RANBP2: variants seen among roughly 807,000 people sequenced by gnomAD.
RANBP2 encodes the protein E3 SUMO-protein ligase RanBP2.
A neutral mutation model predicts 303.6 loss-of-function variants in RANBP2; 57 were observed. The ratio of observed to expected loss-of-function variants is 0.19; its 90% CI spans 0.15 to 0.23. The LOEUF is 0.23. Among genes scored for constraint, RANBP2 ranks in the 10% least tolerant of loss-of-function variants. RANBP2 has a pLI of 1.00. For missense variants in RANBP2, 3,138 were observed against 3,780.8 expected (o/e 0.83, Z 4.46); for synonymous variants, 1,167 against 1,301.5 (o/e 0.90, Z 2.23).
the RANBP2 span, among the ~76,000 whole-genome samples, chr2:109,701,374 C>T: frequency 2.0e-5 from 3 of 151,996 alleles, no homozygotes; most frequent in Non-Finnish European, 4.4e-5. Flanking sequence ...CCAAGGTGGT[C>T]GGGGGTACAG....
At chr2:109,715,853 A>AAT in the RANBP2 span, among the ~76,000 whole-genome samples, 3 of 152,184 alleles carry the variant, frequency 2.0e-5, no homozygotes, top group East Asian at 3.9e-4. Flanking sequence ...AGGAAGATGA[A>AAT]ATATATATAT....
chr2:109,078,100 A>ATATATATATATATATATATGGCG, the RANBP2 span, among the ~76,000 whole-genome samples: 391 of 69,960 alleles, frequency 5.6e-3, 24 homozygotes, highest in Middle Eastern at 7.8e-3. Context: ...ATATATATAT[A>ATATATATATATATATATATGGCG]TATATATATA....
At chr2:108,932,661 A>C in the RANBP2 span, among the ~76,000 whole-genome samples, 1 of 152,130 alleles carries the variant, frequency 6.6e-6, no homozygotes, top group Non-Finnish European at 1.5e-5. Flanking sequence ...GTGGGGACTG[A>C]CATGGACAAT....
chr2:109,524,444 C>CAAAAAAAAAAAAAAAAAAAAA, the RANBP2 span, among the ~76,000 whole-genome samples: 26 of 84,398 alleles, frequency 3.1e-4, 3 homozygotes, highest in African/African-American at 1.7e-3. Context: ...GACCCTGTCT[C>CAAAAAAAAAAAAAAAAAAAAA]AAAAAAAAAA....
chr2:109,104,438 G>A, the RANBP2 span, among the ~76,000 whole-genome samples: 1 of 13,368 alleles, frequency 7.5e-5, no homozygotes, highest in Non-Finnish European at 4.4e-3. Flanking sequence ...AGAGGGGTCC[G>A]TTCAGCGGTT....
the RANBP2 span, among the ~76,000 whole-genome samples, chr2:109,026,717 C>T: frequency 1.1e-3 from 174 of 152,328 alleles, no homozygotes; most frequent in African/African-American, 3.7e-3. Context: ...AACAGCTGCT[C>T]CTCTCAGTCT....
the RANBP2 span, among the ~76,000 whole-genome samples, chr2:109,715,034 A>T: frequency 6.6e-6 from 1 of 151,992 alleles, no homozygotes; most frequent in South Asian, 2.1e-4. Flanking sequence ...CAATAGTGTG[A>T]TCGGCTCATT....
At chr2:109,610,879 TAC>T in the RANBP2 span, among the ~76,000 whole-genome samples, 1 of 152,124 alleles carries the variant, frequency 6.6e-6, no homozygotes, top group East Asian at 1.9e-4. Context: ...TTCTAAAACT[TAC>T]ACAGAGAGGC....
At chr2:109,187,422 G>A in the RANBP2 span, among the ~76,000 whole-genome samples, 2 of 151,702 alleles carry the variant, frequency 1.3e-5, no homozygotes, top group Non-Finnish European at 2.9e-5. Context: ...CCGCACACAC[G>A]TAAATACAGT....
the RANBP2 span, among the ~76,000 whole-genome samples, chr2:109,218,057 C>T: frequency 2.6e-5 from 4 of 151,938 alleles, no homozygotes; most frequent in Admixed American, 6.5e-5. Flanking sequence ...CAGACAGCTG[C>T]GGGGAGGGGT....
the RANBP2 span, among the ~76,000 whole-genome samples, chr2:109,494,055 G>A: frequency 6.6e-6 from 1 of 152,174 alleles, no homozygotes; most frequent in Non-Finnish European, 1.5e-5. Context: ...CGGCTCGTGA[G>A]AATGACAGAC....
rs1348403145 is a variant in RANBP2 at position 108,767,186 on chromosome 2, A to T, written c.6647A>T (p.Glu2216Val). 2.5e-6 allele frequency: 4 copies of T among 1,612,064 alleles called. No individual in the cohort carries two copies. The East Asian group carries it at 6.7e-5, about 27-fold the overall frequency. Reference protein sequence around the residue: ...ASDTTIKPNPENTGPTLEWDN... With the variant: ...ASDTTIKPNPVNTGPTLEWDN... ...GACACAACAATAAAACCCAATCCTG[A>T]AAACACTGGGCCCACATTAGAATGG... is the stretch of plus-strand genomic sequence containing the variant. The change falls in exon 20 of 29, where the codon GAA (glutamate) becomes GTA (valine). Residue 2216 changes from glutamate to valine, a missense_variant. Physicochemically the swap from Glu to Val is moderately radical, Grantham distance 121 (BLOSUM62 -2). Around this residue, in one of 20 missense-constraint regions of RANBP2, gnomAD observed 103 missense variants for 214.3 expected, o/e 0.48. Coordinates refer to ENST00000283195, the MANE Select transcript of RANBP2 (RefSeq NM_006267.5).
the RANBP2 span, among the ~76,000 whole-genome samples, chr2:109,217,416 A>G: frequency 6.6e-6 from 1 of 152,212 alleles, no homozygotes; most frequent in African/African-American, 2.4e-5. Context: ...TCTTGACCTT[A>G]GTCTGCTCAC....
At chr2:109,558,914 C>G in the RANBP2 span, among the ~76,000 whole-genome samples, 2 of 151,236 alleles carry the variant, frequency 1.3e-5, no homozygotes, top group African/African-American at 4.9e-5. Flanking sequence ...GAGATGGAGT[C>G]TCGCTCTGTT....
the RANBP2 span, among the ~76,000 whole-genome samples, chr2:109,511,855 G>A: frequency 6.6e-6 from 1 of 152,172 alleles, no homozygotes; most frequent in Non-Finnish European, 1.5e-5. Flanking sequence ...TGCATCCTGG[G>A]AGAGCACACC....
chr2:109,454,322 C>G, the RANBP2 span, among the ~76,000 whole-genome samples: 2 of 152,152 alleles, frequency 1.3e-5, no homozygotes, highest in Non-Finnish European at 1.5e-5. Flanking sequence ...GGGCATGGAC[C>G]CTTACCTGGT....
At chr2:109,544,285 C>A in the RANBP2 span, 3 of 1,610,950 alleles carry the variant, frequency 1.9e-6, no homozygotes, top group Non-Finnish European at 2.5e-6. Context: ...TGATGATGAC[C>A]TTCTGTGCTC....
the RANBP2 span, among the ~76,000 whole-genome samples, chr2:108,863,805 AT>A: frequency 6.6e-6 from 1 of 152,206 alleles, no homozygotes; most frequent in Non-Finnish European, 1.5e-5. Flanking sequence ...CACTTCAGGG[AT>A]ATGTGGCACA....
At chr2:109,530,481 T>C in the RANBP2 span, among the ~76,000 whole-genome samples, 1 of 152,142 alleles carries the variant, frequency 6.6e-6, no homozygotes, top group African/African-American at 2.4e-5. Flanking sequence ...AACAATAAAA[T>C]AGTGTACTCT....
Sources: gnomAD v4.1 joint callset for allele counts (sites outside exome capture counted in the v4.1 genomes callset) on GRCh38, gnomAD v4.1.1 for gene constraint, gnomAD v4.1.1 regional missense constraint, MANE v1.5 for transcripts, NCBI Gene and HGNC (gene_info 2026-07-23, HGNC 2026-07-21) for gene names.